TRPC5: variants seen among roughly 807,000 people sequenced by gnomAD.
The protein encoded by TRPC5 is short transient receptor potential channel 5.
TRPC5 carries 9 observed loss-of-function variants against 56.5 expected under a neutral mutation model. That is an observed-to-expected ratio of 0.16 (90% confidence interval 0.10 to 0.28). The LOEUF (loss-of-function observed/expected upper bound fraction) is 0.28. Among genes scored for constraint, TRPC5 ranks in the 10% least tolerant of loss-of-function variants. TRPC5 has a pLI of 1.00. For synonymous variants in TRPC5, 282 were observed against 278.5 expected, an observed-to-expected ratio of 1.01 and a Z score of -0.13; for missense variants, 469 against 748.9, an observed-to-expected ratio of 0.63 and a Z score of 4.36.
chrX:111,798,231 G>A, intron 7 of TRPC5, among the ~76,000 whole-genome samples: 1 of 111,845 alleles, frequency 8.9e-6, no homozygotes, highest in Non-Finnish European at 1.9e-5. Flanking sequence ...TAAAGATGAA[G>A]TATTAAATCA....
At chrX:112,034,240 A>G (rs915880957) in intron 1 of TRPC5, among the ~76,000 whole-genome samples, 5 of 110,124 alleles carry the variant, frequency 4.5e-5, no homozygotes, top group African/African-American at 1.3e-4. Flanking sequence ...TCCTAACAAT[A>G]TTAAGTTTTG....
At chrX:112,060,098 CAT>C (rs1393981675) in intron 1 of TRPC5, among the ~76,000 whole-genome samples, 8 of 112,097 alleles carry the variant, frequency 7.1e-5, no homozygotes, top group Non-Finnish European at 1.5e-4. Context: ...AACTTAGAAA[CAT>C]ATGTTTGACC....
At chrX:111,825,151 CTTT>C (rs1569525905) in intron 7 of TRPC5, among the ~76,000 whole-genome samples, 1,908 of 21,764 alleles carry the variant, frequency 0.088, 94 homozygotes, top group African/African-American at 0.12. Flanking sequence ...TCCTTCCTTT[CTTT>C]CTTTCTTTCT....
At chrX:111,993,924 A>G (rs900222523) in intron 1 of TRPC5, among the ~76,000 whole-genome samples, 4 of 111,669 alleles carry the variant, frequency 3.6e-5, no homozygotes, top group Non-Finnish European at 7.5e-5. Context: ...TCATTTGTCT[A>G]TTTTGGCTTT....
At chrX:111,960,366 G>A (rs1002319024) in intron 1 of TRPC5, among the ~76,000 whole-genome samples, 2 of 112,043 alleles carry the variant, frequency 1.8e-5, no homozygotes, top group African/African-American at 6.5e-5. Flanking sequence ...AATGTCCAGG[G>A]GAGGTTTGTA....
chrX:111,829,717 A>G (rs1366939054), intron 7 of TRPC5, among the ~76,000 whole-genome samples: 1 of 112,919 alleles, frequency 8.9e-6, no homozygotes, highest in East Asian at 2.8e-4. Context: ...GGGTGGGCAG[A>G]AGACAAGAAC....
chrX:111,811,548 A>G (rs1185684452), intron 7 of TRPC5, among the ~76,000 whole-genome samples: 1 of 112,096 alleles, frequency 8.9e-6, no homozygotes, highest in Non-Finnish European at 1.9e-5. Flanking sequence ...TAAGAGCAGT[A>G]TGAAATATTG....
At chrX:111,919,754 C>T (rs1294899917) in intron 2 of TRPC5, among the ~76,000 whole-genome samples, 3 of 111,666 alleles carry the variant, frequency 2.7e-5, no homozygotes, top group African/African-American at 6.5e-5. Context: ...GAAGAATTGC[C>T]TTGGGCCACA....
At chrX:111,856,819 CAAA>C (rs59633997) in intron 3 of TRPC5, among the ~76,000 whole-genome samples, 4 of 36,091 alleles carry the variant, frequency 1.1e-4, no homozygotes, top group South Asian at 2.8e-3. Context: ...ACTCCATCTC[CAAA>C]AAAAAAAAAA....
intron 3 of TRPC5, among the ~76,000 whole-genome samples, chrX:111,866,731 G>C (rs1472242792): frequency 8.9e-6 from 1 of 112,087 alleles, no homozygotes; most frequent in Non-Finnish European, 1.9e-5. Flanking sequence ...CTGCAGCAGA[G>C]TTCTGAATTT....
In TRPC5 at chrX:111,910,529, G is replaced by A. The variant is rs933087418; in HGVS notation, c.900+1762C>T. On this transcript the variant is annotated intron_variant, in intron 3 of 10. Transcript: ENST00000262839. ...AAAATAAAAATGAATAATTATAGCC[G>A]CTAATAGTAAATTTTTTTTTGATAC... 2.7e-5 allele frequency among the ~76,000 whole-genome samples: 3 copies of A among 111,728 alleles called. 1 individual carries two copies. The Admixed American group carries it at 2.9e-4, about 11-fold the overall frequency.
At chrX:112,064,944 G>A (rs1930545235) in intron 1 of TRPC5, among the ~76,000 whole-genome samples, 1 of 110,077 alleles carries the variant, frequency 9.1e-6, no homozygotes. Flanking sequence ...CATGGTGGTG[G>A]GCACCTGTAG....
At chrX:111,917,540 A>C (rs924893518) in intron 2 of TRPC5, among the ~76,000 whole-genome samples, 2 of 112,513 alleles carry the variant, frequency 1.8e-5, no homozygotes, top group African/African-American at 6.5e-5. Flanking sequence ...GGTTTTTAAA[A>C]GTTCAGTTTT....
intron 1 of TRPC5, among the ~76,000 whole-genome samples, chrX:112,077,787 T>C (rs1930868303): frequency 8.9e-6 from 1 of 112,278 alleles, no homozygotes; most frequent in African/African-American, 3.2e-5. Flanking sequence ...GGCTAAAGAA[T>C]GGGGGAAGGT....
At chrX:112,020,684 T>C (rs1276322253) in intron 1 of TRPC5, among the ~76,000 whole-genome samples, 1 of 111,748 alleles carries the variant, frequency 8.9e-6, no homozygotes, top group Non-Finnish European at 1.9e-5. Flanking sequence ...TGACCGTCAA[T>C]GATCATATCT....
At chrX:111,893,648 T>A (rs1402026905) in intron 3 of TRPC5, among the ~76,000 whole-genome samples, 1 of 111,648 alleles carries the variant, frequency 9.0e-6, no homozygotes, top group African/African-American at 3.3e-5. Context: ...CTACTCCCCC[T>A]TTTTTTAGTT....
chrX:111,992,597 T>G (rs1432103694), intron 1 of TRPC5, among the ~76,000 whole-genome samples: 2 of 107,432 alleles, frequency 1.9e-5, no homozygotes, highest in African/African-American at 6.8e-5. Flanking sequence ...ACATTATTAT[T>G]ATTATTATTA....
At chrX:111,782,377 C>T (rs1192018337) in intron 7 of TRPC5, among the ~76,000 whole-genome samples, 2 of 111,439 alleles carry the variant, frequency 1.8e-5, no homozygotes, top group African/African-American at 6.5e-5. Context: ...AGTAGCAAAA[C>T]GACTGGCAGC....
intron 7 of TRPC5, among the ~76,000 whole-genome samples, chrX:111,782,941 A>G (rs986238840): frequency 5.4e-5 from 6 of 110,967 alleles, no homozygotes; most frequent in Non-Finnish European, 1.1e-4. Context: ...AAAGTTCCCT[A>G]TTGTTACCTC....
Sources: allele counts gnomAD v4.1 joint callset (sites outside exome capture counted in the v4.1 genomes callset), GRCh38; gene constraint gnomAD v4.1.1; transcripts MANE v1.5; gene names NCBI Gene and HGNC (gene_info 2026-07-23, HGNC 2026-07-21).